Variants in SLC39A12 observed in about 807,000 individuals in gnomAD.
SLC39A12 encodes solute carrier family 39 member 12.
A neutral mutation model predicts 71.1 loss-of-function variants in SLC39A12; 63 were observed. The observed-to-expected ratio is 0.89, with a 90% CI of 0.72 to 1.09. The LOEUF (loss-of-function observed/expected upper bound fraction) is 1.09. Among genes scored for constraint, SLC39A12 ranks in the 50% least tolerant of loss-of-function variants. The pLI is 0.00. For synonymous variants in SLC39A12, 351 were observed against 301.3 expected, an observed-to-expected ratio of 1.16 and a Z score of -1.71; for missense variants, 892 against 812.6, an observed-to-expected ratio of 1.10 and a Z score of -1.19.
At chr10:18,033,497 T>A (rs548778489) in intron 12 of SLC39A12, among the ~76,000 whole-genome samples, 41 of 148,604 alleles carry the variant, frequency 2.8e-4, no homozygotes, top group South Asian at 1.3e-3. Flanking sequence ...GGTGGTGATA[T>A]CCCCTTTATC....
At chr10:18,038,018 C>CAA (rs763211521) in intron 12 of SLC39A12, among the ~76,000 whole-genome samples, 617 of 14,980 alleles carry the variant, frequency 0.041, 221 homozygotes, top group Non-Finnish European at 0.049. Flanking sequence ...GCCTCCATCT[C>CAA]AAAAAAAAAA....
At chr10:17,987,959 A>G (rs1374622151) in intron 7 of SLC39A12, among the ~76,000 whole-genome samples, 2 of 152,128 alleles carry the variant, frequency 1.3e-5, no homozygotes, top group African/African-American at 4.8e-5. Context: ...AGATCGCTGG[A>G]GCCCAGGAGC....
chr10:18,039,087 A>G (rs1018568325), intron 12 of SLC39A12, among the ~76,000 whole-genome samples: 2 of 152,252 alleles, frequency 1.3e-5, no homozygotes, highest in Non-Finnish European at 2.9e-5. Context: ...AAACCTTTCC[A>G]GAAAACACTT....
At position 18,019,652 on chromosome 10, in the gene SLC39A12, C is replaced by T. The variant is rs145546564; in HGVS notation, c.1947+16294C>T. 9.3e-4 allele frequency among the ~76,000 whole-genome samples: 141 copies of T among 151,990 alleles called. 1 individual carries two copies. Among genetic ancestry groups the T allele is most frequent in the African/African-American group, 2.7e-3 (110 of 41,508 alleles). On this transcript the variant is annotated intron_variant, in intron 12 of 12. Transcript: ENST00000377369. ...ACTTTTTTAGTTTCTCTTGAGATTT[C>T]TTTCTTAACTCATGTGTTATTTAGA...
In SLC39A12 at chr10:17,995,021, T is replaced by G. The variant is rs9665733; in HGVS notation, c.1534-635T>G. Among the ~76,000 whole-genome samples the G allele has an allele frequency of 9.3e-3, 1,421 of 152,312 alleles. 25 individuals are homozygous for G. The highest frequency in any genetic ancestry group is 0.033 in the African/African-American group (1,356 of 41,572). On this transcript the variant is annotated intron_variant, in intron 9 of 12. Coordinates refer to ENST00000377369, the MANE Select transcript of SLC39A12 (RefSeq NM_001145195.2). ...CAGTCTCTGAAATAAAATCACGTAA[T>G]CTTACCTCATAAAGTCAATTTCAAA... is the stretch of plus-strand genomic sequence containing the variant.
chr10:17,973,362 C>T (rs564868), intron 4 of SLC39A12, among the ~76,000 whole-genome samples: 148,897 of 152,284 alleles, frequency 0.98, 72,799 homozygotes, highest in East Asian at 1. Flanking sequence ...TTATTATTTA[C>T]TAACATCTAT....
chr10:18,025,337 CTCG>C (rs1460170606), intron 12 of SLC39A12, among the ~76,000 whole-genome samples: 3 of 152,184 alleles, frequency 2.0e-5, no homozygotes, highest in East Asian at 3.9e-4. Context: ...CACCCAGTAA[CTCG>C]TCATTTAACA....
intron 3 of SLC39A12, among the ~76,000 whole-genome samples, chr10:17,963,097 G>T (rs1214729954): frequency 1.3e-5 from 2 of 151,972 alleles, no homozygotes; most frequent in African/African-American, 4.8e-5. Flanking sequence ...GGAGTTTGAG[G>T]TTACAGTGAA....
At chr10:17,994,667 A>C (rs909600467) in intron 9 of SLC39A12, among the ~76,000 whole-genome samples, 1 of 152,296 alleles carries the variant, frequency 6.6e-6, no homozygotes, top group South Asian at 2.1e-4. Flanking sequence ...TAAGAGGTCT[A>C]CTTCCTGCTC....
chr10:18,015,664 A>C (rs1408285143), intron 12 of SLC39A12, among the ~76,000 whole-genome samples: 1 of 152,112 alleles, frequency 6.6e-6, no homozygotes, highest in African/African-American at 2.4e-5. Flanking sequence ...TTAGAGTGAC[A>C]GAACTATGTG....
chr10:18,014,590 C>T (rs1836325342), intron 12 of SLC39A12, among the ~76,000 whole-genome samples: 1 of 152,096 alleles, frequency 6.6e-6, no homozygotes, highest in Admixed American at 6.6e-5. Flanking sequence ...CTGTTTTTCC[C>T]TTCTTCAATT....
chr10:18,013,800 G>T (rs911912972), intron 12 of SLC39A12, among the ~76,000 whole-genome samples: 1 of 152,086 alleles, frequency 6.6e-6, no homozygotes, highest in Non-Finnish European at 1.5e-5. Context: ...TTGTTTCTGG[G>T]TTCTCCATTC....
intron 12 of SLC39A12, among the ~76,000 whole-genome samples, chr10:18,018,228 C>G (rs1457849299): frequency 6.6e-6 from 1 of 152,170 alleles, no homozygotes; most frequent in African/African-American, 2.4e-5. Context: ...TGAATATTAA[C>G]CATGTATTCT....
At chr10:18,030,863 G>T (rs1210924017) in intron 12 of SLC39A12, among the ~76,000 whole-genome samples, 1 of 137,580 alleles carries the variant, frequency 7.3e-6, no homozygotes, top group African/African-American at 2.7e-5. Flanking sequence ...TGATCTCATT[G>T]TTCAATTCCC....
rs536159398 is a variant in SLC39A12, at chr10:18,009,467, C to T, written c.1947+6109C>T. ...CCAATTTCAAACCCTCTTCCCCCAT[C>T]AACCTCCCTCACCATATAGGGTTCT... On this transcript the variant is annotated intron_variant, in intron 12 of 12. Transcript: ENST00000377369. Among the ~76,000 whole-genome samples, 8 of 152,334 alleles carry T rather than the reference C, an allele frequency of 5.3e-5. No individual in the cohort carries two copies. The South Asian group carries it at 1.4e-3, about 28-fold the overall frequency.
At chr10:18,042,622 C>G in intron 12 of SLC39A12, 83 bp from the exon 13 acceptor site, 1 of 1,378,734 alleles carries the variant, frequency 7.3e-7, no homozygotes, top group Non-Finnish European at 9.8e-7. Context: ...TTCTGAATAA[C>G]AGTCGCTCAT....
rs559687266 is a variant in SLC39A12 at position 18,039,717 on chromosome 10, C to T, written c.1948-2988C>T. Among the ~76,000 whole-genome samples the T allele has an allele frequency of 3.3e-5, 5 of 152,106 alleles. No individual in the cohort carries two copies. The South Asian group carries it at 1.0e-3, about 32-fold the overall frequency. The stretch of plus-strand genomic sequence containing the variant: ...CACTCCAGCCTGGGCAACAGTGAGA[C>T]CCTGAATCAAAAAAAAGAAAAACAA... On this transcript the variant is annotated intron_variant, in intron 12 of 12. Coordinates refer to ENST00000377369, the MANE Select transcript of SLC39A12 (RefSeq NM_001145195.2).
At chr10:17,968,700 A>C (rs1470045241) in intron 4 of SLC39A12, among the ~76,000 whole-genome samples, 1 of 152,104 alleles carries the variant, frequency 6.6e-6, no homozygotes, top group East Asian at 1.9e-4. Context: ...TATGGGGTAC[A>C]TAAAATGTTT....
At chr10:18,008,683 C>T (rs1836108805) in intron 12 of SLC39A12, 1 of 152,094 alleles carries the variant, frequency 6.6e-6, no homozygotes, top group African/African-American at 2.4e-5. Context: ...TCTGACAGTA[C>T]CTAAGTTTAC....
Sources: gnomAD v4.1 joint callset for allele counts (sites outside exome capture counted in the v4.1 genomes callset) on GRCh38, gnomAD v4.1.1 for gene constraint, MANE v1.5 for transcripts, NCBI Gene and HGNC (gene_info 2026-07-23, HGNC 2026-07-21) for gene names.